Variants in NAA35 observed in about 807,000 individuals in gnomAD.
NAA35 encodes MAK10 homolog, amino-acid N-acetyltransferase subunit.
In NAA35, 18 loss-of-function variants were observed where a neutral mutation model predicts 101.7. That is an observed-to-expected ratio of 0.18 (90% CI 0.12 to 0.26). NAA35 has a LOEUF of 0.26. Among genes scored for constraint, NAA35 ranks in the 10% least tolerant of loss-of-function variants. The probability of loss-of-function intolerance (pLI) is 1.00; values close to 1 mark genes in which losing one functional copy is unlikely to be tolerated. For missense variants in NAA35, 601 were observed against 886.8 expected, an observed-to-expected ratio of 0.68 and a Z score of 4.09; for synonymous variants, 267 against 273.1, an observed-to-expected ratio of 0.98 and a Z score of 0.22.
intron 6 of NAA35, among the ~76,000 whole-genome samples, chr9:85,963,263 C>CTTTTTTTTTTT (rs527736196): frequency 2.8e-5 from 2 of 72,296 alleles, no homozygotes; most frequent in African/African-American, 5.9e-5. Context: ...GAAGGTATGG[C>CTTTTTTTTTTT]TTTTTTTTTT....
In NAA35 at chr9:85,975,059, A is replaced by G. The variant is rs753066733; in HGVS notation, c.583+26A>G. On this transcript the variant is annotated intron_variant, in intron 7 of 22. Transcript: ENST00000361671. The stretch of plus-strand genomic sequence containing the variant: ...GTAAAATTATTTTTAAAGTTAATTC[A>G]CAAGTTTTACATTTTCATATGTTTC... 7 of 1,611,680 alleles carry G rather than the reference A, an allele frequency of 4.3e-6. No individual in the cohort carries two copies. In the African/African-American group the frequency reaches 8.0e-5, roughly 18 times the overall value.
chr9:85,975,236 T>A, intron 8 of NAA35, 79 bp downstream of exon 8: 1 of 1,388,976 alleles, frequency 7.2e-7, no homozygotes, highest in Non-Finnish European at 1.0e-6. Flanking sequence ...TAAAAATGTG[T>A]AGAACCACCT....
rs896344822 is a variant in NAA35 at position 86,022,273 on chromosome 9, TAATA to T, written c.*317_*320del. ...GAGTGAAAATAGTGTTTATAAAGGT[TAATA>T]AATTTCTTGACAAAAAAAAAATGCA... On this transcript the variant is annotated 3_prime_UTR_variant, in exon 23 of 23. Coordinates refer to ENST00000361671, the MANE Select transcript of NAA35 (RefSeq NM_024635.4). 3.5e-4 allele frequency: 70 copies of T among 198,640 alleles called. No homozygotes were observed. Among genetic ancestry groups the T allele is most frequent in the African/African-American group, 1.4e-3 (60 of 42,564 alleles). The allele number at this position is 198,640 out of a possible 1,614,324, so 12.3% of individuals were successfully genotyped here. A position where few individuals can be genotyped will look rare whatever the true frequency, so the allele number is the denominator to read the frequency against.
chr9:86,019,255 T>C (rs895368697), intron 21 of NAA35, among the ~76,000 whole-genome samples: 1 of 151,926 alleles, frequency 6.6e-6, no homozygotes, highest in African/African-American at 2.4e-5. Flanking sequence ...GGTCAGGAGT[T>C]TGAGACCAGC....
chr9:85,991,620 A>G (rs1334770898), intron 11 of NAA35, among the ~76,000 whole-genome samples: 1 of 152,138 alleles, frequency 6.6e-6, no homozygotes, highest in Non-Finnish European at 1.5e-5. Flanking sequence ...ATCAGAGCTT[A>G]GATGGGGTGA....
intron 2 of NAA35, among the ~76,000 whole-genome samples, chr9:85,952,427 A>G (rs1829061211): frequency 6.6e-6 from 1 of 151,654 alleles, no homozygotes; most frequent in Non-Finnish European, 1.5e-5. Context: ...CTGGGATTAC[A>G]GGCGCACACC....
At chr9:85,943,589 G>T (rs1828617730) in intron 2 of NAA35, among the ~76,000 whole-genome samples, 1 of 152,038 alleles carries the variant, frequency 6.6e-6, no homozygotes, top group South Asian at 2.1e-4. Flanking sequence ...CAGTGGAAAG[G>T]ACGTAAGACT....
rs540698560 is a variant in NAA35 at position 86,015,292 on chromosome 9, T to G, written c.1569-1247T>G. 3.9e-5 allele frequency among the ~76,000 whole-genome samples: 6 copies of G among 152,292 alleles called. No homozygotes were observed. The South Asian group carries it at 1.2e-3, about 32-fold the overall frequency. On this transcript the variant is annotated intron_variant, in intron 17 of 22. Coordinates refer to ENST00000361671, the MANE Select transcript of NAA35 (RefSeq NM_024635.4). ...TGTTTCTTTTCTTGTTAAAAGAACT[T>G]TAGTCTGCCCATAAATACCCTTGTG... is the stretch of plus-strand genomic sequence containing the variant.
At chr9:86,012,633 A>G (rs1831999205) in intron 15 of NAA35, among the ~76,000 whole-genome samples, 1 of 152,240 alleles carries the variant, frequency 6.6e-6, no homozygotes, top group South Asian at 2.1e-4. Context: ...GCAGGAATAA[A>G]GAACCATAGT....
chr9:85,983,746 A>G (rs553062633), intron 11 of NAA35, among the ~76,000 whole-genome samples: 35 of 152,252 alleles, frequency 2.3e-4, no homozygotes, highest in Admixed American at 1.4e-3. Flanking sequence ...GCAAACCACT[A>G]TGGCACATGT....
chr9:85,980,141 A>G (rs1248938161), intron 11 of NAA35, among the ~76,000 whole-genome samples: 1 of 152,232 alleles, frequency 6.6e-6, no homozygotes, highest in African/African-American at 2.4e-5. Flanking sequence ...AGAAATGCAT[A>G]GGGTGAAGTA....
intron 6 of NAA35, among the ~76,000 whole-genome samples, chr9:85,967,219 A>G (rs986887877): frequency 6.6e-6 from 1 of 152,194 alleles, no homozygotes; most frequent in Non-Finnish European, 1.5e-5. Context: ...TAAATTATGG[A>G]TAATTGATTA....
chr9:85,976,564 C>A, intron 8 of NAA35, 121 bp from the exon 9 acceptor site: 1 of 622,794 alleles, frequency 1.6e-6, no homozygotes, highest in Non-Finnish European at 2.6e-6. Context: ...TTTTTTTCCC[C>A]AACTATTTTC....
chr9:85,966,560 C>CTT, intron 6 of NAA35: 8 of 945,476 alleles, frequency 8.5e-6, no homozygotes, highest in South Asian at 2.0e-5. Context: ...TTCTTTCTTT[C>CTT]TTTTTTTTTT....
chr9:85,944,218 G>A (rs1419729456), intron 2 of NAA35, among the ~76,000 whole-genome samples: 2 of 152,090 alleles, frequency 1.3e-5, no homozygotes, highest in African/African-American at 2.4e-5. Context: ...CTGAATCTTA[G>A]TTTTCTACTC....
In NAA35 at chr9:85,941,214, C is replaced by T. The variant is rs558536572; in HGVS notation, c.-65C>T. On this transcript the variant is annotated 5_prime_UTR_variant, in exon 1 of 23. Transcript: ENST00000361671. ...GAGGGGGCGGCGGCGGCCGAGGCGGCGTCGTTATTTCCGTGGTCCGGACAG... is the reference window on the plus strand; with the variant it reads ...GAGGGGGCGGCGGCGGCCGAGGCGGTGTCGTTATTTCCGTGGTCCGGACAG... 1.6e-3 allele frequency: 1,618 copies of T among 986,802 alleles called. 3 individuals carry two copies. Among genetic ancestry groups the T allele is most frequent in the Non-Finnish European group, 1.8e-3 (1,498 of 830,894 alleles). 61.1% of individuals were successfully genotyped at this position (986,802 alleles called of 1,614,324 possible). A position where few individuals can be genotyped will look rare whatever the true frequency, so the allele number is the denominator to read the frequency against.
In NAA35 at chr9:86,023,740, A is replaced by G. The variant is rs1423826697; in HGVS notation, c.*1780A>G. Reference sequence around the variant, plus strand: ...TATTTTGAAGTAGGTCTTCCTAAGTAAAAGTTTTCCTATTAACCCATTATC... The same window carrying G: ...TATTTTGAAGTAGGTCTTCCTAAGTGAAAGTTTTCCTATTAACCCATTATC... On this transcript the variant is annotated 3_prime_UTR_variant, in exon 23 of 23. Coordinates refer to ENST00000361671, the MANE Select transcript of NAA35 (RefSeq NM_024635.4). Among the ~76,000 whole-genome samples, 1 of 152,250 alleles carries G rather than the reference A, an allele frequency of 6.6e-6. No individual in the cohort carries two copies. The highest frequency in any genetic ancestry group is 1.5e-5 in the Non-Finnish European group (1 of 68,044).
chr9:86,000,027 A>G (rs957758035), intron 12 of NAA35, among the ~76,000 whole-genome samples: 1 of 152,094 alleles, frequency 6.6e-6, no homozygotes, highest in Admixed American at 6.6e-5. Flanking sequence ...TACATAAATA[A>G]ACACTTGGCC....
intron 6 of NAA35, among the ~76,000 whole-genome samples, chr9:85,969,101 T>TTCTA (rs1829888120): frequency 6.6e-6 from 1 of 152,176 alleles, no homozygotes; most frequent in African/African-American, 2.4e-5. Flanking sequence ...ACTACACAGC[T>TTCTA]GTGTCATTCT....
Sources: allele counts gnomAD v4.1 joint callset (sites outside exome capture counted in the v4.1 genomes callset), GRCh38; gene constraint gnomAD v4.1.1; transcripts MANE v1.5; gene names NCBI Gene and HGNC (gene_info 2026-07-23, HGNC 2026-07-21).